SGCG: variants seen among roughly 807,000 people sequenced by gnomAD.
The protein encoded by SGCG is sarcoglycan gamma, also known as gamma-sarcoglycan.
Under a neutral mutation model 29.3 loss-of-function variants are expected in SGCG, and 26 were observed. The ratio of observed to expected loss-of-function variants is 0.89; its 90% confidence interval spans 0.65 to 1.23. The LOEUF (loss-of-function observed/expected upper bound fraction) is 1.23. SGCG is among the 50% of genes most tolerant of loss of function. The pLI is 0.00. For synonymous variants in SGCG, 145 were observed against 129.7 expected (o/e 1.12, Z -0.80); for missense variants, 353 against 356.0 (o/e 0.99, Z 0.07).
chr13:23,269,372 C>T (rs1332325742), intron 4 of SGCG, among the ~76,000 whole-genome samples: 1 of 152,136 alleles, frequency 6.6e-6, no homozygotes, highest in Non-Finnish European at 1.5e-5. Flanking sequence ...CAGTGGGGTG[C>T]ATGCATCGTT....
rs1281003201 is a variant in SGCG at position 23,324,769 on chromosome 13, G to A, written c.*228G>A. 3.6e-6 allele frequency: 2 copies of A among 550,118 alleles called. No homozygotes were observed. The highest frequency in any genetic ancestry group is 6.6e-6 in the Non-Finnish European group (2 of 304,566). 34.1% of individuals were successfully genotyped at this position (550,118 alleles called of 1,614,324 possible). On this transcript the variant is annotated 3_prime_UTR_variant, in exon 8 of 8. Transcript: ENST00000218867. ...AGTTGACAAAATGGAAAAGCAATGT[G>A]TTTTTCCACTGGATTAATTTTCACC...
At chr13:23,220,329 A>G (rs2137526611) in intron 2 of SGCG, among the ~76,000 whole-genome samples, 1 of 152,242 alleles carries the variant, frequency 6.6e-6, no homozygotes, top group East Asian at 1.9e-4. Flanking sequence ...GCATGCCTGT[A>G]ATCCCAGCTA....
the SGCG span, among the ~76,000 whole-genome samples, chr13:23,164,899 G>T: frequency 3.4e-4 from 52 of 152,188 alleles, no homozygotes; most frequent in African/African-American, 1.2e-3. Flanking sequence ...ATCTGGGCCA[G>T]CATGTACCCT....
chr13:23,290,723 G>T (rs17078564), intron 5 of SGCG, among the ~76,000 whole-genome samples: 15,764 of 152,148 alleles, frequency 0.1, 962 homozygotes, highest in African/African-American at 0.16. Flanking sequence ...GCTCAATGAA[G>T]GTGTAGAATG....
chr13:23,309,429 G>A (rs1882479250), intron 6 of SGCG, among the ~76,000 whole-genome samples: 1 of 151,998 alleles, frequency 6.6e-6, no homozygotes. Flanking sequence ...TTTGATTGTA[G>A]AACTCAACTG....
intron 5 of SGCG, among the ~76,000 whole-genome samples, chr13:23,279,828 A>G (rs77546789): frequency 6.6e-6 from 1 of 151,406 alleles, no homozygotes; most frequent in Non-Finnish European, 1.5e-5. Context: ...CCTGGGTTCA[A>G]GCAATTCTCC....
intron 3 of SGCG, among the ~76,000 whole-genome samples, chr13:23,247,424 A>T (rs1019125171): frequency 6.6e-6 from 1 of 152,158 alleles, no homozygotes; most frequent in South Asian, 2.1e-4. Flanking sequence ...CCTTGATGTT[A>T]TTAAGGTTTT....
At chr13:23,209,131 G>A (rs1291558946) in intron 2 of SGCG, among the ~76,000 whole-genome samples, 1 of 151,984 alleles carries the variant, frequency 6.6e-6, no homozygotes, top group African/African-American at 2.4e-5. Context: ...AAGTGATCAA[G>A]GAAGAATCAT....
chr13:23,303,229 A>T (rs1882237114), intron 6 of SGCG, among the ~76,000 whole-genome samples: 1 of 152,180 alleles, frequency 6.6e-6, no homozygotes, highest in Non-Finnish European at 1.5e-5. Context: ...GTTAAAAAGG[A>T]TCTGGGAAGG....
intron 6 of SGCG, among the ~76,000 whole-genome samples, chr13:23,300,832 A>G (rs9510689): frequency 0.62 from 80,571 of 130,718 alleles, 26,671 homozygotes; most frequent in East Asian, 0.82. Flanking sequence ...AAAAAAAAAA[A>G]GGGCCGGGCG....
chr13:23,292,043 A>G (rs1445751291), intron 5 of SGCG, among the ~76,000 whole-genome samples: 1 of 152,072 alleles, frequency 6.6e-6, no homozygotes. Context: ...TCACTCACCA[A>G]TCAGAGCTTG....
chr13:23,286,208 C>T (rs1187238562), intron 5 of SGCG, among the ~76,000 whole-genome samples: 2 of 152,196 alleles, frequency 1.3e-5, no homozygotes, highest in Middle Eastern at 3.2e-3. Context: ...AGCCACTGGT[C>T]TCTCACCATT....
intron 6 of SGCG, 28 bp downstream of exon 6, chr13:23,295,515 A>G (rs755952523): frequency 4.1e-6 from 6 of 1,476,448 alleles, no homozygotes; most frequent in South Asian, 2.3e-5. Flanking sequence ...AATATTAACA[A>G]CCTCTCCTGT....
At chr13:23,175,380 A>C in the SGCG span, among the ~76,000 whole-genome samples, 3 of 152,190 alleles carry the variant, frequency 2.0e-5, no homozygotes, top group Admixed American at 6.5e-5. Context: ...TACCATGCAT[A>C]GATTCTACTT....
chr13:23,309,426 G>T (rs1566042006), intron 6 of SGCG, among the ~76,000 whole-genome samples: 2 of 152,044 alleles, frequency 1.3e-5, no homozygotes, highest in Non-Finnish European at 2.9e-5. Flanking sequence ...TATTTTGATT[G>T]TAGAACTCAA....
At chr13:23,203,424 A>C (rs1877847432) in intron 1 of SGCG, among the ~76,000 whole-genome samples, 1 of 152,246 alleles carries the variant, frequency 6.6e-6, no homozygotes, top group Non-Finnish European at 1.5e-5. Flanking sequence ...TGAATTTATT[A>C]ACATTTGAAA....
intron 5 of SGCG, among the ~76,000 whole-genome samples, chr13:23,292,496 A>G (rs1257660627): frequency 6.6e-6 from 1 of 152,170 alleles, no homozygotes; most frequent in Non-Finnish European, 1.5e-5. Flanking sequence ...TGCCCCAAAA[A>G]CCATTTAATT....
chr13:23,178,700 C>T (rs765140790), upstream of SGCG, among the ~76,000 whole-genome samples: 4 of 152,136 alleles, frequency 2.6e-5, no homozygotes, highest in Non-Finnish European at 5.9e-5. Context: ...TTTCCACATT[C>T]TCTCTCTACA....
At chr13:23,175,165 C>T in the SGCG span, among the ~76,000 whole-genome samples, 6 of 151,998 alleles carry the variant, frequency 3.9e-5, no homozygotes, top group African/African-American at 9.7e-5. Context: ...TGAAAACCTG[C>T]GTGAACAAAT....
Sources: gnomAD v4.1 joint callset for allele counts (sites outside exome capture counted in the v4.1 genomes callset) on GRCh38, gnomAD v4.1.1 for gene constraint, MANE v1.5 for transcripts, NCBI Gene and HGNC (gene_info 2026-07-23, HGNC 2026-07-21) for gene names.